ZNF264: variants seen among roughly 807,000 people sequenced by gnomAD.
ZNF264 encodes the protein zinc finger protein 264.
A neutral mutation model predicts 11.2 loss-of-function variants in ZNF264; 11 were observed. The ratio of observed to expected loss-of-function variants is 0.98; its 90% confidence interval spans 0.62 to 1.63. The LOEUF is 1.63. Ranked by LOEUF, ZNF264 falls within the 40% of genes most tolerant of loss-of-function variation. The pLI is 0.00. For missense variants in ZNF264, 752 were observed against 768.1 expected, an observed-to-expected ratio of 0.98 and a Z score of 0.25; for synonymous variants, 309 against 279.8, an observed-to-expected ratio of 1.10 and a Z score of -1.04.
At position 57,213,339 on chromosome 19, in the gene ZNF264, A is replaced by G. The variant is rs2087355916; in HGVS notation, c.*358A>G. On this transcript the variant is annotated 3_prime_UTR_variant, in exon 4 of 4. Transcript: ENST00000263095. ...CCTTTATGTGCTTGTATGTACATTTATTGCTATCCAGTGTCAGAACAGTTA... is the reference window on the plus strand; with the variant it reads ...CCTTTATGTGCTTGTATGTACATTTGTTGCTATCCAGTGTCAGAACAGTTA... 5.5e-6 allele frequency: 1 copy of G among 181,344 alleles called. No individual in the cohort carries two copies. The highest frequency in any genetic ancestry group is 1.2e-5 in the Non-Finnish European group (1 of 84,656). The allele number at this position is 181,344 out of a possible 1,614,324, so 11.2% of individuals were successfully genotyped here. A position where few individuals can be genotyped will look rare whatever the true frequency, so the allele number is the denominator to read the frequency against.
At position 57,215,769 on chromosome 19, in the gene ZNF264, A is replaced by C. The variant is rs982283108; in HGVS notation, c.*2788A>C. ...TTTTTTGAGACATTCTCTCTTAGCC[A>C]TGAATTATTTAATAGTATGCTTAAT... On this transcript the variant is annotated 3_prime_UTR_variant, in exon 4 of 4. Coordinates refer to ENST00000263095, the MANE Select transcript of ZNF264 (RefSeq NM_003417.5). 6.6e-6 allele frequency: 1 copy of C among 152,224 alleles called. No homozygotes were observed. The highest frequency in any genetic ancestry group is 1.5e-5 in the Non-Finnish European group (1 of 68,052). 9.4% of individuals were successfully genotyped at this position (152,224 alleles called of 1,614,324 possible).
chr19:57,204,820 G>A (rs1378956886), intron 2 of ZNF264, among the ~76,000 whole-genome samples: 2 of 152,104 alleles, frequency 1.3e-5, no homozygotes, highest in Admixed American at 6.6e-5. Context: ...ACCTGGACCC[G>A]GGACTTTCTG....
At position 57,205,456 on chromosome 19, in the gene ZNF264, A is replaced by C; in HGVS notation, c.220A>C (p.Thr74Pro). The C allele has an allele frequency of 6.2e-7, 1 of 1,612,320 alleles. No individual in the cohort carries two copies. The highest frequency in any genetic ancestry group is 8.5e-7 in the Non-Finnish European group (1 of 1,179,334). ...CCTAGAGCATGGGCAGGAGCCATGG[A>C]CCAGGAAGGAAGACCTCTCCCAAGA... The part of the protein sequence containing the change: ...CHLEHGQEPW[T>P]RKEDLSQDTC... The change falls in exon 3 of 4, where the codon ACC becomes CCC. Residue 74 changes from threonine to proline, a missense_variant. Transcript: ENST00000263095.
rs193291802 is a variant in ZNF264, at chr19:57,212,511, C to T, written c.1414C>T (p.Arg472Cys). The change falls in exon 4 of 4, where the codon CGC (arginine) becomes TGC (cysteine). Residue 472 changes from arginine (R) to cysteine (C), a missense_variant. Physicochemically the swap from Arg to Cys is radical, Grantham distance 180. Coordinates refer to ENST00000263095, the MANE Select transcript of ZNF264 (RefSeq NM_003417.5). ...KAFSNRKDLI[R>C]HFSIHTGEKP... ...CTTTAGCAATCGGAAGGACCTCATTCGCCACTTCAGCATCCACACTGGAGA... is the reference window on the plus strand; with the variant it reads ...CTTTAGCAATCGGAAGGACCTCATTTGCCACTTCAGCATCCACACTGGAGA... 309 of 1,613,812 alleles carry T rather than the reference C, an allele frequency of 1.9e-4. No homozygotes were observed. The highest frequency in any genetic ancestry group is 2.4e-4 in the Non-Finnish European group (288 of 1,179,970).
rs1347753818 is a variant in ZNF264, at chr19:57,214,818, T to C, written c.*1837T>C. On this transcript the variant is annotated 3_prime_UTR_variant, in exon 4 of 4. Transcript: ENST00000263095. ...TCTCCACCAGTTGATGTCATTATGCTATTTTCCTTCTACATCCTATTGATG... is the reference window on the plus strand; with the variant it reads ...TCTCCACCAGTTGATGTCATTATGCCATTTTCCTTCTACATCCTATTGATG... 6.6e-6 allele frequency: 1 copy of C among 152,260 alleles called. No individual in the cohort carries two copies. Among genetic ancestry groups the C allele is most frequent in the Non-Finnish European group, 1.5e-5 (1 of 68,038 alleles). The allele number at this position is 152,260 out of a possible 1,614,324, so 9.4% of individuals were successfully genotyped here.
rs2087381234 is a variant in ZNF264 at position 57,216,508 on chromosome 19, G to C, written c.*3527G>C. On this transcript the variant is annotated 3_prime_UTR_variant, in exon 4 of 4. Transcript: ENST00000263095. ...GGTGAATTGACTCTTCTGTCATTAT[G>C]TGATGTCATTTTTTTGCCTTTTAAT... The C allele has an allele frequency of 6.6e-6, 1 of 152,160 alleles. No individual in the cohort carries two copies. The highest frequency in any genetic ancestry group is 1.5e-5 in the Non-Finnish European group (1 of 68,022). The allele number at this position is 152,160 out of a possible 1,614,324, so 9.4% of individuals were successfully genotyped here.
chr19:57,196,685 A>T (rs1243774019), intron 2 of ZNF264, among the ~76,000 whole-genome samples: 1 of 151,880 alleles, frequency 6.6e-6, no homozygotes, highest in Non-Finnish European at 1.5e-5. Context: ...TATACACTTG[A>T]TTATTAAAAC....
chr19:57,220,255 C>G lies in ZNF264; in HGVS notation c.*7274C>G, dbSNP rs990242587. 6.6e-6 allele frequency: 1 copy of G among 152,232 alleles called. No individual in the cohort carries two copies. The highest frequency in any genetic ancestry group is 1.5e-5 in the Non-Finnish European group (1 of 68,048). 9.4% of individuals were successfully genotyped at this position (152,232 alleles called of 1,614,324 possible). On this transcript the variant is annotated 3_prime_UTR_variant, in exon 4 of 4. Coordinates refer to ENST00000263095, the MANE Select transcript of ZNF264 (RefSeq NM_003417.5). ...CAACAATGCTATAATCTGTTACTCTCATTCGACAATACATCTTGACTGTTT... is the reference window on the plus strand; with the variant it reads ...CAACAATGCTATAATCTGTTACTCTGATTCGACAATACATCTTGACTGTTT...
chr19:57,205,569 T>G, intron 3 of ZNF264, 77 bp downstream of exon 3: 66 of 1,307,568 alleles, frequency 5.0e-5, no homozygotes, highest in Non-Finnish European at 6.7e-5. Context: ...CTGGAATCTC[T>G]TGGGAAGCTT....
chr19:57,210,364 CCGTTG>C (rs1360326944), intron 3 of ZNF264, among the ~76,000 whole-genome samples: 2 of 152,316 alleles, frequency 1.3e-5, no homozygotes, highest in Admixed American at 6.5e-5. Context: ...GGTCCCAAAG[CCGTTG>C]TCAGGTTCAC....
intron 3 of ZNF264, among the ~76,000 whole-genome samples, chr19:57,207,545 C>CTTTTTT (rs757880568): frequency 7.0e-4 from 72 of 103,054 alleles, no homozygotes; most frequent in Non-Finnish European, 8.4e-4. Context: ...TTTTTCTTTT[C>CTTTTTT]TTTTTTTTTT....
rs1299325707 is a variant in ZNF264, at chr19:57,217,764, G to A, written c.*4783G>A. On this transcript the variant is annotated 3_prime_UTR_variant, in exon 4 of 4. Transcript: ENST00000263095. ...TCACACGTATTTTACAAAACGTCAT[G>A]AGAAACATTGTCTCTTGACCTTTTT... 7.0e-6 allele frequency: 1 copy of A among 143,452 alleles called. No individual in the cohort carries two copies. Among genetic ancestry groups the A allele is most frequent in the Non-Finnish European group, 1.5e-5 (1 of 66,182 alleles). The allele number at this position is 143,452 out of a possible 1,614,324, so 8.9% of individuals were successfully genotyped here.
chr19:57,194,888 C>G (rs1456136352), intron 2 of ZNF264: 8 of 399,794 alleles, frequency 2.0e-5, no homozygotes, highest in African/African-American at 1.4e-4. Context: ...AATTTAACGA[C>G]TGTTACTGGT....
chr19:57,199,251 G>C (rs1485069193), intron 2 of ZNF264, among the ~76,000 whole-genome samples: 1 of 151,938 alleles, frequency 6.6e-6, no homozygotes, highest in Non-Finnish European at 1.5e-5. Flanking sequence ...AATTCCAACT[G>C]CTGGATCTGG....
intron 2 of ZNF264, among the ~76,000 whole-genome samples, chr19:57,204,005 T>A (rs2087272379): frequency 6.6e-6 from 1 of 152,066 alleles, no homozygotes; most frequent in African/African-American, 2.4e-5. Flanking sequence ...GCTAACACAG[T>A]GAAACCCTGT....
Position 57,211,365 on chromosome 19 carries a change from A to G in ZNF264, c.268A>G (p.Lys90Glu). 6.3e-7 allele frequency: 1 copy of G among 1,596,010 alleles called. No homozygotes were observed. ...SQDTCPGDKG[K>E]PKTTEPTTCE... is the part of the protein sequence containing the mutation. ...TGGATTTCTTTCAGGCGACAAAGGA[A>G]AACCTAAGACCACAGAACCTACCAC... is the stretch of plus-strand genomic sequence containing the variant. The change falls in exon 4 of 4, where the codon AAA becomes GAA. Residue 90 changes from lysine (K) to glutamate (E), a missense_variant. Transcript: ENST00000263095.
rs554712135 is a variant in ZNF264, at chr19:57,204,336, G to A, written c.161-1061G>A. ...TCTGCATCCCAGGGTTGTTACTGGG[G>A]TAAAGGGTTATTGATAGGGTTTGGC... On this transcript the variant is annotated intron_variant, in intron 2 of 3. Coordinates refer to ENST00000263095, the MANE Select transcript of ZNF264 (RefSeq NM_003417.5). 1.1e-3 allele frequency among the ~76,000 whole-genome samples: 160 copies of A among 152,354 alleles called. 1 individual carries two copies. The highest frequency in any genetic ancestry group is 3.8e-3 in the African/African-American group (157 of 41,584).
In ZNF264 at chr19:57,191,866, C is replaced by T; in HGVS notation, c.-48C>T. On this transcript the variant is annotated 5_prime_UTR_variant, in exon 1 of 4. Coordinates refer to ENST00000263095, the MANE Select transcript of ZNF264 (RefSeq NM_003417.5). ...TCGGGCACAGGTGGGGTCCGTCAGG[C>T]CGCCCGGGGCTCCTCTGTCCCAGCT... is the stretch of plus-strand genomic sequence containing the variant. 1 of 1,291,020 alleles carries T rather than the reference C, an allele frequency of 7.7e-7. No individual in the cohort carries two copies. The highest frequency in any genetic ancestry group is 9.8e-7 in the Non-Finnish European group (1 of 1,017,760). 80.0% of individuals were successfully genotyped at this position (1,291,020 alleles called of 1,614,324 possible). A position where few individuals can be genotyped will look rare whatever the true frequency, so the allele number is the denominator to read the frequency against.
In ZNF264 at chr19:57,213,531, G is replaced by A. The variant is rs2122769700; in HGVS notation, c.*550G>A. 6.6e-6 allele frequency: 1 copy of A among 152,232 alleles called. No homozygotes were observed. Among genetic ancestry groups the A allele is most frequent in the Non-Finnish European group, 1.5e-5 (1 of 68,026 alleles). 9.4% of individuals were successfully genotyped at this position (152,232 alleles called of 1,614,324 possible). A position where few individuals can be genotyped will look rare whatever the true frequency, so the allele number is the denominator to read the frequency against. On this transcript the variant is annotated 3_prime_UTR_variant, in exon 4 of 4. Coordinates refer to ENST00000263095, the MANE Select transcript of ZNF264 (RefSeq NM_003417.5). ...TTAACATTCAGGCTTTTGTCTTGAT[G>A]CCCGTCTTTTGGTTTACGTCATCAT...
Sources: gnomAD v4.1 joint callset for allele counts (sites outside exome capture counted in the v4.1 genomes callset) on GRCh38, gnomAD v4.1.1 for gene constraint, MANE v1.5 for transcripts, NCBI Gene and HGNC (gene_info 2026-07-23, HGNC 2026-07-21) for gene names.